Variants in MDN1 observed in about 807,000 individuals in gnomAD.
MDN1 encodes the protein midasin.
Under a neutral mutation model 669.2 loss-of-function variants are expected in MDN1, and 266 were observed. The observed-to-expected ratio is 0.40, with a 90% confidence interval of 0.36 to 0.44. MDN1 has a LOEUF of 0.44. MDN1 is among the 20% of genes least tolerant of loss of function. MDN1 has a pLI of 1.00. For missense variants in MDN1, 5,940 were observed against 6,754.0 expected (o/e 0.88, Z 4.22); for synonymous variants, 2,385 against 2,457.1 (o/e 0.97, Z 0.87).
chr6:89,786,427 A>AAAT (rs1424004901), intron 8 of MDN1, among the ~76,000 whole-genome samples: 1 of 151,526 alleles, frequency 6.6e-6, no homozygotes, highest in African/African-American at 2.4e-5. Context: ...TCCATCTCTA[A>AAAT]AATAATAATA....
At chr6:89,648,471 A>G (rs1808629404) in intron 97 of MDN1, 142 bp from the exon 98 acceptor site, 2 of 716,624 alleles carry the variant, frequency 2.8e-6, no homozygotes, top group African/African-American at 3.6e-5. Flanking sequence ...AGGCTACTAT[A>G]GTCACAACAA....
intron 26 of MDN1, among the ~76,000 whole-genome samples, chr6:89,747,862 G>C (rs1029941817): frequency 1.6e-5 from 2 of 123,648 alleles, no homozygotes; most frequent in African/African-American, 3.2e-5. Flanking sequence ...CTGCACTCCA[G>C]CCTGGGCGAC....
Position 89,645,054 on chromosome 6 carries a change from G to T in MDN1, c.16563C>A (p.Ile5521=). Residue 5521 remains isoleucine, a synonymous_variant, in exon 101 of 102, where the codon ATC becomes ATA. Transcript: ENST00000369393. Reference sequence around the variant, plus strand: ...TGTCCAATACAACAAAGATGACAAAGATATTTGCATTCCGGGCAGCCTGAA... The same window carrying T: ...TGTCCAATACAACAAAGATGACAAATATATTTGCATTCCGGGCAGCCTGAA... ...AAVQAARNAN[I]FVIFVVLDNP... The T allele has an allele frequency of 6.2e-7, 1 of 1,609,932 alleles. No individual in the cohort carries two copies. Among genetic ancestry groups the T allele is most frequent in the Non-Finnish European group, 8.5e-7 (1 of 1,176,462 alleles).
chr6:89,749,420 T>TGCAGCAGA (rs1816838466), intron 25 of MDN1, 51 bp from the exon 26 acceptor site: 1 of 1,602,612 alleles, frequency 6.2e-7, no homozygotes, highest in African/African-American at 1.3e-5. Context: ...TAATTTCCAA[T>TGCAGCAGA]ATGGAGGCTC....
At chr6:89,738,698 A>C (rs1816132921) in intron 32 of MDN1, among the ~76,000 whole-genome samples, 1 of 152,192 alleles carries the variant, frequency 6.6e-6, no homozygotes, top group Non-Finnish European at 1.5e-5. Flanking sequence ...TTACAGACTA[A>C]GTGGTGGAAG....
chr6:89,803,432 C>T lies in MDN1; in HGVS notation c.225G>A (p.Arg75=). 1 of 1,614,170 alleles carries T rather than the reference C, an allele frequency of 6.2e-7. No homozygotes were observed. The highest frequency in any genetic ancestry group is 8.5e-7 in the Non-Finnish European group (1 of 1,180,038). The change falls in exon 2 of 102, where the codon AGG becomes AGA. Residue 75 remains arginine, a synonymous_variant. Coordinates refer to ENST00000369393, the MANE Select transcript of MDN1 (RefSeq NM_014611.3). ...LRPLLLDLLE[R]NAEAIKAGGQ... Reference sequence around the variant, plus strand: ...CTCCAGCTTTAATGGCTTCGGCATTCCTTTCCAGCAAATCCAAAAGGAGAG... The same window carrying T: ...CTCCAGCTTTAATGGCTTCGGCATTTCTTTCCAGCAAATCCAAAAGGAGAG...
At chr6:89,646,908 G>A (rs1035520398) in intron 99 of MDN1, among the ~76,000 whole-genome samples, 4 of 152,062 alleles carry the variant, frequency 2.6e-5, no homozygotes, top group Admixed American at 6.5e-5. Context: ...TCAGCCTGCC[G>A]CCAAGTAACT....
intron 11 of MDN1, among the ~76,000 whole-genome samples, chr6:89,779,895 G>A (rs563093829): frequency 1.3e-5 from 2 of 151,884 alleles, no homozygotes; most frequent in South Asian, 2.1e-4. Context: ...GTGAAACCTC[G>A]TTTCTACTAA....
chr6:89,771,809 A>C (rs1310624681), intron 14 of MDN1, among the ~76,000 whole-genome samples, 188 bp from the exon 15 acceptor site: 1 of 152,050 alleles, frequency 6.6e-6, no homozygotes, highest in Non-Finnish European at 1.5e-5. Context: ...CCTGGGCTCA[A>C]GTGATCCTTG....
At chr6:89,816,290 C>G (rs1490022086) in intron 1 of MDN1, among the ~76,000 whole-genome samples, 3 of 151,994 alleles carry the variant, frequency 2.0e-5, no homozygotes, top group Admixed American at 2.0e-4. Flanking sequence ...ATCCCGGCTA[C>G]TCGAGAGGCT....
In MDN1 at chr6:89,771,598, T is replaced by G. The variant is rs1449973028; in HGVS notation, c.2107A>C (p.Met703Leu). Residue 703 changes from methionine (M) to leucine (L), a missense_variant, in exon 15 of 102, where the codon ATG (methionine) becomes CTG (leucine). Physicochemically the swap from Met to Leu is conservative, Grantham distance 15 (BLOSUM62 2). Around this residue, in one of 5 missense-constraint regions of MDN1, gnomAD observed 1,203 missense variants for 1,268.9 expected, o/e 0.95. Coordinates refer to ENST00000369393, the MANE Select transcript of MDN1 (RefSeq NM_014611.3). ...TCTGCAGTATCACTTTGTTGATTCA[T>G]ATTGACAACCCTCAAACGGTGGCCT... ...ITGHRLRVVN[M>L]NQQSDTADLL... 6.2e-7 allele frequency: 1 copy of G among 1,614,032 alleles called. No homozygotes were observed. The highest frequency in any genetic ancestry group is 1.7e-5 in the Admixed American group (1 of 59,998).
At chr6:89,779,857 GGAGATC>G (rs1818568861) in intron 11 of MDN1, among the ~76,000 whole-genome samples, 1 of 152,128 alleles carries the variant, frequency 6.6e-6, no homozygotes, top group South Asian at 2.1e-4. Flanking sequence ...CTTGAGGTCA[GGAGATC>G]GAGACCAGCC....
At chr6:89,818,879 C>A (rs1023994225) in intron 1 of MDN1, among the ~76,000 whole-genome samples, 4 of 151,996 alleles carry the variant, frequency 2.6e-5, no homozygotes, top group Non-Finnish European at 4.4e-5. Flanking sequence ...GCCCGAAGAC[C>A]TATTTCCCAG....
Position 89,642,982 on chromosome 6 carries a change from G to A in MDN1, c.*1023C>T, listed in dbSNP as rs1380681566. 1 of 152,230 alleles carries A rather than the reference G, an allele frequency of 6.6e-6. No individual in the cohort carries two copies. Among genetic ancestry groups the A allele is most frequent in the Non-Finnish European group, 1.5e-5 (1 of 68,040 alleles). 9.4% of individuals were successfully genotyped at this position (152,230 alleles called of 1,614,324 possible). The stretch of plus-strand genomic sequence containing the variant: ...ACAAGGAGATAGATGATTACATCAT[G>A]ACATACTGCCTACAAAAGAACATTC... On this transcript the variant is annotated 3_prime_UTR_variant, in exon 102 of 102. Coordinates refer to ENST00000369393, the MANE Select transcript of MDN1 (RefSeq NM_014611.3).
Position 89,735,290 on chromosome 6 carries a change from G to A in MDN1, c.4724-2515C>T, listed in dbSNP as rs555890362. Among the ~76,000 whole-genome samples, 30 of 147,530 alleles carry A rather than the reference G, an allele frequency of 2.0e-4. No homozygotes were observed. The East Asian group carries it at 5.5e-3, about 27-fold the overall frequency. ...TAATACAGAAGTATTGTTTACAAAAGTTTGAGATTGTAAAAAGCAGTTCAT... is the reference window on the plus strand; with the variant it reads ...TAATACAGAAGTATTGTTTACAAAAATTTGAGATTGTAAAAAGCAGTTCAT... On this transcript the variant is annotated intron_variant, in intron 33 of 101. Transcript: ENST00000369393.
chr6:89,730,640 T>G, intron 35 of MDN1, 86 bp downstream of exon 35: 1 of 1,011,670 alleles, frequency 9.9e-7, no homozygotes, highest in South Asian at 1.6e-5. Context: ...ATCATGAGTA[T>G]TACACATTAA....
At chr6:89,696,697 C>G in intron 59 of MDN1, 123 bp from the exon 60 acceptor site, 1 of 684,068 alleles carries the variant, frequency 1.5e-6, no homozygotes, top group Non-Finnish European at 2.5e-6. Flanking sequence ...AAGCATCACT[C>G]AGAGACTGGC....
At chr6:89,672,452 A>C in intron 81 of MDN1, 89 bp from the exon 82 acceptor site, 1 of 1,593,554 alleles carries the variant, frequency 6.3e-7, no homozygotes, top group Non-Finnish European at 8.5e-7. Context: ...TCTGTTTCTA[A>C]CATCCATCCT....
intron 91 of MDN1, 130 bp from the exon 92 acceptor site, chr6:89,656,098 A>G (rs1296572896): frequency 1.1e-5 from 8 of 745,956 alleles, no homozygotes; most frequent in Non-Finnish European, 1.5e-5. Context: ...GGAATTCAAT[A>G]CAGCTATTAA....
Sources: allele counts gnomAD v4.1 joint callset (sites outside exome capture counted in the v4.1 genomes callset), GRCh38; gene constraint gnomAD v4.1.1; regional missense constraint gnomAD v4.1.1; transcripts MANE v1.5; gene names NCBI Gene and HGNC (gene_info 2026-07-23, HGNC 2026-07-21).